Variants in CCL28 observed in about 807,000 individuals in gnomAD.
CCL28 encodes the protein C-C motif chemokine 28.
CCL28 carries 4 observed loss-of-function variants against 7.1 expected under a neutral mutation model. The ratio of observed to expected loss-of-function variants is 0.56; its 90% CI spans 0.28 to 1.29. The LOEUF (loss-of-function observed/expected upper bound fraction) is 1.29. Ranked by LOEUF, CCL28 falls within the 50% of genes most tolerant of loss-of-function variation. The pLI is 0.11. For synonymous variants in CCL28, 55 were observed against 57.8 expected (o/e 0.95, Z 0.22); for missense variants, 151 against 163.4 (o/e 0.92, Z 0.41).
chr5:43,411,317 T>TAA (rs1741529415), intron 1 of CCL28, among the ~76,000 whole-genome samples: 1 of 152,226 alleles, frequency 6.6e-6, no homozygotes, highest in Non-Finnish European at 1.5e-5. Flanking sequence ...GGTCAAGTAT[T>TAA]AAGTACTGAC....
At chr5:43,388,157 A>G in intron 2 of CCL28, 193 bp downstream of exon 2, 1 of 597,162 alleles carries the variant, frequency 1.7e-6, no homozygotes, top group Non-Finnish European at 2.8e-6. Context: ...GGCTCAGGAC[A>G]TCTTTGGACA....
the CCL28 span, among the ~76,000 whole-genome samples, chr5:43,367,385 G>T: frequency 6.6e-6 from 1 of 152,340 alleles, no homozygotes; most frequent in East Asian, 1.9e-4. Context: ...GGAATCTCTT[G>T]GTCTGCGGGT....
the CCL28 span, among the ~76,000 whole-genome samples, chr5:43,369,028 AAGAGAGAAAGAGAG>A: frequency 1.6e-3 from 43 of 26,084 alleles, no homozygotes; most frequent in Admixed American, 4.8e-4. Flanking sequence ...GGGAGAGAGA[AAGAGAGAAAGAGAG>A]AGAGAGAGAG....
chr5:43,378,539 A>G (rs1000402664), downstream of CCL28, among the ~76,000 whole-genome samples: 1 of 152,246 alleles, frequency 6.6e-6, no homozygotes, highest in Non-Finnish European at 1.5e-5. Context: ...TGATTTACTC[A>G]TAATACAGTA....
intron 1 of CCL28, among the ~76,000 whole-genome samples, chr5:43,403,559 A>G (rs1038351326): frequency 3.7e-4 from 57 of 152,194 alleles, no homozygotes; most frequent in Admixed American, 1.4e-3. Context: ...AAAAATGGAG[A>G]AAAAACAGAG....
intron 2 of CCL28, among the ~76,000 whole-genome samples, chr5:43,387,137 G>T (rs1740371025): frequency 6.6e-6 from 1 of 152,186 alleles, no homozygotes; most frequent in Non-Finnish European, 1.5e-5. Flanking sequence ...CCAGGGAGAT[G>T]CCTGATACTC....
At chr5:43,383,411 T>C (rs1002811403) in intron 2 of CCL28, among the ~76,000 whole-genome samples, 2 of 152,172 alleles carry the variant, frequency 1.3e-5, no homozygotes, top group African/African-American at 4.8e-5. Context: ...TGAATCTTTT[T>C]CAGCTAATGT....
intron 2 of CCL28, among the ~76,000 whole-genome samples, chr5:43,383,682 C>T (rs1395657125): frequency 1.3e-5 from 2 of 152,064 alleles, no homozygotes; most frequent in Non-Finnish European, 2.9e-5. Context: ...CAAAAACAAA[C>T]AAACAAACAA....
rs996837571 is a variant in CCL28 at position 43,381,218 on chromosome 5, C to A, written c.*642G>T. 1 of 151,928 alleles carries A rather than the reference C, an allele frequency of 6.6e-6. No individual in the cohort carries two copies. Among genetic ancestry groups the A allele is most frequent in the African/African-American group, 2.4e-5 (1 of 41,348 alleles). 9.4% of individuals were successfully genotyped at this position (151,928 alleles called of 1,614,324 possible). A position where few individuals can be genotyped will look rare whatever the true frequency, so the allele number is the denominator to read the frequency against. On this transcript the variant is annotated 3_prime_UTR_variant, in exon 3 of 3. Coordinates refer to ENST00000361115, the MANE Select transcript of CCL28 (RefSeq NM_148672.3). ...GAGAGGAGAGAGAAAGCAAATGTGA[C>A]ACAATATTAACAATGATTAATATTG...
the CCL28 span, among the ~76,000 whole-genome samples, chr5:43,357,687 G>A: frequency 6.6e-6 from 1 of 151,632 alleles, no homozygotes; most frequent in African/African-American, 2.4e-5. Flanking sequence ...AAGAAAGGGG[G>A]GGAAAAAAAA....
chr5:43,381,636 A>G lies in CCL28; in HGVS notation c.*224T>C, dbSNP rs6865440. ...CAGCCTCCCGAAGTGCTGGGATAAA[A>G]GGTGTGAACCACCATACCCAGCCAG... On this transcript the variant is annotated 3_prime_UTR_variant, in exon 3 of 3. Transcript: ENST00000361115. 0.033 allele frequency: 14,923 copies of G among 445,984 alleles called. 757 individuals are homozygous for G. The highest frequency in any genetic ancestry group is 0.16 in the African/African-American group (7,954 of 49,504). 27.6% of individuals were successfully genotyped at this position (445,984 alleles called of 1,614,324 possible).
chr5:43,357,653 C>A, the CCL28 span, among the ~76,000 whole-genome samples: 2 of 152,074 alleles, frequency 1.3e-5, no homozygotes, highest in South Asian at 4.2e-4. Context: ...TACTCTCTCC[C>A]ACCCAGGTCT....
the CCL28 span, among the ~76,000 whole-genome samples, chr5:43,371,407 T>A: frequency 1.3e-5 from 2 of 152,240 alleles, no homozygotes; most frequent in Non-Finnish European, 2.9e-5. Flanking sequence ...TGGTATCAGA[T>A]TTGGTCTGTA....
intron 1 of CCL28, among the ~76,000 whole-genome samples, chr5:43,395,738 A>C (rs1740771170): frequency 6.6e-6 from 1 of 152,036 alleles, no homozygotes; most frequent in South Asian, 2.1e-4. Flanking sequence ...AAAGCAAAGG[A>C]ATAAAAGAAT....
chr5:43,408,568 A>G (rs1389882060), intron 1 of CCL28, among the ~76,000 whole-genome samples: 2 of 152,142 alleles, frequency 1.3e-5, no homozygotes, highest in African/African-American at 4.8e-5. Flanking sequence ...CAGCACACCT[A>G]CATGGCACAT....
intron 1 of CCL28, among the ~76,000 whole-genome samples, chr5:43,406,232 G>A (rs989463175): frequency 4.9e-4 from 75 of 152,138 alleles, no homozygotes; most frequent in East Asian, 2.5e-3. Context: ...GATGAACATC[G>A]ATGCAAAAAT....
intron 1 of CCL28, among the ~76,000 whole-genome samples, chr5:43,393,080 T>C (rs977809995): frequency 6.6e-6 from 1 of 152,236 alleles, no homozygotes; most frequent in African/African-American, 2.4e-5. Flanking sequence ...AGTTTTTGCA[T>C]GAGAATACCT....
At chr5:43,409,639 C>T (rs563020777) in intron 1 of CCL28, among the ~76,000 whole-genome samples, 1 of 152,050 alleles carries the variant, frequency 6.6e-6, no homozygotes, top group East Asian at 1.9e-4. Context: ...AAATCTCTAG[C>T]AAGTATTGGT....
chr5:43,374,686 C>T (rs1739850038), downstream of CCL28, among the ~76,000 whole-genome samples: 1 of 150,320 alleles, frequency 6.7e-6, no homozygotes, highest in Non-Finnish European at 1.5e-5. Context: ...GAAGCTGAGG[C>T]AGGAGAATCG....
Sources: gnomAD v4.1 joint callset for allele counts (sites outside exome capture counted in the v4.1 genomes callset) on GRCh38, gnomAD v4.1.1 for gene constraint, MANE v1.5 for transcripts, NCBI Gene and HGNC (gene_info 2026-07-23, HGNC 2026-07-21) for gene names.